ADAMTS17: variants seen among roughly 807,000 people sequenced by gnomAD.
ADAMTS17 encodes the protein A disintegrin and metalloproteinase with thrombospondin motifs 17.
ADAMTS17 carries 113 observed loss-of-function variants against 141.5 expected under a neutral mutation model. The observed-to-expected ratio is 0.80, with a 90% CI of 0.69 to 0.93. The LOEUF (loss-of-function observed/expected upper bound fraction) is 0.93. Among genes scored for constraint, ADAMTS17 ranks in the 40% least tolerant of loss-of-function variants. The pLI is 0.00. For missense variants in ADAMTS17, 1,659 were observed against 1,517.9 expected (o/e 1.09, Z -1.54); for synonymous variants, 768 against 630.6 (o/e 1.22, Z -3.27).
At chr15:100,030,765 T>C (rs1029890453) in intron 18 of ADAMTS17, among the ~76,000 whole-genome samples, 4 of 152,244 alleles carry the variant, frequency 2.6e-5, no homozygotes, top group Admixed American at 6.5e-5. Flanking sequence ...AGAAGGGGAA[T>C]GTTAGTATAC....
intron 10 of ADAMTS17, among the ~76,000 whole-genome samples, chr15:100,146,859 G>A (rs563713930): frequency 7.0e-5 from 9 of 128,408 alleles, no homozygotes; most frequent in African/African-American, 1.4e-4. Context: ...CTCCCATAGC[G>A]CTCCCAGGCT....
intron 15 of ADAMTS17, among the ~76,000 whole-genome samples, chr15:100,068,359 C>T (rs909415758): frequency 1.3e-5 from 2 of 152,180 alleles, no homozygotes; most frequent in African/African-American, 4.8e-5. Context: ...CAGCAGTAAC[C>T]TCTGCAGACT....
intron 10 of ADAMTS17, among the ~76,000 whole-genome samples, chr15:100,141,107 G>C (rs75831972): frequency 0.014 from 2,116 of 152,328 alleles, 41 homozygotes; most frequent in African/African-American, 0.047. Context: ...TCTGGTTCTA[G>C]CATTTGTCAC....
rs149062916 is a variant in ADAMTS17 at position 100,096,748 on chromosome 15, C to T, written c.2017-272G>A. 2.5e-3 allele frequency among the ~76,000 whole-genome samples: 381 copies of T among 152,296 alleles called. 2 individuals are homozygous for T. The highest frequency in any genetic ancestry group is 8.9e-3 in the African/African-American group (368 of 41,558). On this transcript the variant is annotated intron_variant, in intron 14 of 21. Coordinates refer to ENST00000268070, the MANE Select transcript of ADAMTS17 (RefSeq NM_139057.4). ...GGAGATCCATGAAGGCACAAGTGCC[C>T]ATGGGGGTCACGCTGAGGCCTGACG...
chr15:99,983,448 C>G (rs535486507), intron 20 of ADAMTS17, among the ~76,000 whole-genome samples: 132 of 152,198 alleles, frequency 8.7e-4, no homozygotes, highest in African/African-American at 3.0e-3. Context: ...GTCTCCATCA[C>G]CCCTACCCTG....
intron 8 of ADAMTS17, chr15:100,168,499 C>T (rs1039650790): frequency 1.3e-5 from 2 of 152,212 alleles, no homozygotes; most frequent in African/African-American, 4.8e-5. Context: ...GCTGCAGACA[C>T]AGGGCTGGGA....
chr15:100,250,601 G>A (rs930827978), intron 7 of ADAMTS17, among the ~76,000 whole-genome samples: 4 of 152,312 alleles, frequency 2.6e-5, no homozygotes, highest in East Asian at 1.9e-4. Flanking sequence ...CATCTCAGCC[G>A]CCGTGGACTT....
intron 7 of ADAMTS17, among the ~76,000 whole-genome samples, chr15:100,230,558 A>C (rs2141843946): frequency 6.6e-6 from 1 of 152,322 alleles, no homozygotes; most frequent in East Asian, 1.9e-4. Flanking sequence ...CATAGCCGAA[A>C]AGTTCCTGAA....
intron 15 of ADAMTS17, among the ~76,000 whole-genome samples, chr15:100,072,762 T>G (rs1210114310): frequency 6.6e-6 from 1 of 152,102 alleles, no homozygotes; most frequent in Admixed American, 6.5e-5. Context: ...TAATTCAAGA[T>G]GGATTAAAGA....
At chr15:100,088,379 G>C (rs557949655) in intron 15 of ADAMTS17, among the ~76,000 whole-genome samples, 7 of 152,248 alleles carry the variant, frequency 4.6e-5, no homozygotes, top group African/African-American at 1.7e-4. Context: ...CTCATGGGTA[G>C]GAAGAATCAA....
intron 15 of ADAMTS17, chr15:100,073,964 G>A (rs2141753333): frequency 6.6e-6 from 1 of 152,160 alleles, no homozygotes; most frequent in African/African-American, 2.4e-5. Context: ...CCAACTTCCT[G>A]AATCCTTTTA....
intron 10 of ADAMTS17, among the ~76,000 whole-genome samples, chr15:100,148,710 T>C (rs1405838334): frequency 6.6e-6 from 1 of 152,118 alleles, no homozygotes; most frequent in Non-Finnish European, 1.5e-5. Context: ...TTTCTAGATT[T>C]CTTCATGTTT....
At chr15:100,091,306 C>G (rs1430403699) in intron 15 of ADAMTS17, among the ~76,000 whole-genome samples, 1 of 152,110 alleles carries the variant, frequency 6.6e-6, no homozygotes. Flanking sequence ...AGGATTTACT[C>G]TCAGAATTTA....
At chr15:100,098,731 G>A (rs2035918026) in intron 14 of ADAMTS17, among the ~76,000 whole-genome samples, 2 of 152,150 alleles carry the variant, frequency 1.3e-5, no homozygotes, top group Non-Finnish European at 2.9e-5. Context: ...CCCCAGCAGT[G>A]TTTAGCAAAC....
At chr15:99,980,507 G>A (rs1469571119) in intron 20 of ADAMTS17, 1 of 152,280 alleles carries the variant, frequency 6.6e-6, no homozygotes, top group African/African-American at 2.4e-5. Flanking sequence ...GAGGAGCATG[G>A]GGCAGGGGGC....
intron 21 of ADAMTS17, 101 bp from the exon 22 acceptor site, chr15:99,974,663 C>A: frequency 7.0e-7 from 1 of 1,437,140 alleles, no homozygotes; most frequent in Non-Finnish European, 9.8e-7. Flanking sequence ...TGGGCTCCCT[C>A]ACCCTCGTGC....
intron 6 of ADAMTS17, among the ~76,000 whole-genome samples, chr15:100,260,629 C>A (rs1208862879): frequency 7.0e-6 from 1 of 142,090 alleles, no homozygotes; most frequent in African/African-American, 2.6e-5. Context: ...AAAAAAAAAC[C>A]AAAAAACAAA....
chr15:100,133,084 G>A (rs2038137352), intron 11 of ADAMTS17, 130 bp downstream of exon 11: 2 of 829,590 alleles, frequency 2.4e-6, no homozygotes, highest in Admixed American at 2.3e-5. Flanking sequence ...GCCTCCATGG[G>A]CATTTCTGTG....
intron 8 of ADAMTS17, among the ~76,000 whole-genome samples, chr15:100,157,634 A>G (rs530707788): frequency 6.5e-4 from 99 of 152,294 alleles, no homozygotes; most frequent in African/African-American, 2.3e-3. Flanking sequence ...AGCATTTGGT[A>G]AAAATATTTA....
Sources: gnomAD v4.1 joint callset for allele counts (sites outside exome capture counted in the v4.1 genomes callset) on GRCh38, gnomAD v4.1.1 for gene constraint, MANE v1.5 for transcripts, NCBI Gene and HGNC (gene_info 2026-07-23, HGNC 2026-07-21) for gene names.